The following NREP variants were observed in gnomAD, a reference collection of about 807,000 sequenced individuals.
NREP encodes the protein neuronal regeneration-related protein.
Under a neutral mutation model 8.6 loss-of-function variants are expected in NREP, and 5 were observed. That is an observed-to-expected ratio of 0.58 (90% CI 0.30 to 1.22). The LOEUF is 1.22. Ranked by LOEUF, NREP falls within the 50% of genes most tolerant of loss-of-function variation. NREP has a pLI of 0.07. For missense variants in NREP, 86 were observed against 82.5 expected (o/e 1.04, Z -0.17); for synonymous variants, 27 against 28.0 (o/e 0.96, Z 0.11).
chr5:111,809,779 A>T (rs1354470855), intron 2 of NREP, among the ~76,000 whole-genome samples: 3 of 152,182 alleles, frequency 2.0e-5, no homozygotes, highest in East Asian at 1.9e-4. Flanking sequence ...ATATTCTGTT[A>T]TAACAATACA....
At chr5:111,881,607 C>T (rs557606820) in intron 2 of NREP, among the ~76,000 whole-genome samples, 10 of 152,148 alleles carry the variant, frequency 6.6e-5, no homozygotes, top group South Asian at 2.1e-4. Flanking sequence ...ACACCTCACA[C>T]GACCGGGTAC....
intron 2 of NREP, among the ~76,000 whole-genome samples, chr5:111,854,482 T>C (rs1412778823): frequency 6.6e-6 from 1 of 152,184 alleles, no homozygotes; most frequent in Non-Finnish European, 1.5e-5. Context: ...TTTGTGAAGC[T>C]GTAGACAGGC....
At chr5:111,747,680 A>C (rs969119062) in intron 2 of NREP, among the ~76,000 whole-genome samples, 1 of 152,140 alleles carries the variant, frequency 6.6e-6, no homozygotes, top group African/African-American at 2.4e-5. Flanking sequence ...TCTGGTTCCC[A>C]AATTTCAGTG....
intron 2 of NREP, among the ~76,000 whole-genome samples, chr5:111,877,767 G>A (rs1223284072): frequency 6.6e-6 from 1 of 152,132 alleles, no homozygotes; most frequent in East Asian, 1.9e-4. Context: ...TACGTTTTAG[G>A]TTTTACAGTT....
At chr5:111,870,825 G>A (rs1753771795) in intron 2 of NREP, among the ~76,000 whole-genome samples, 1 of 152,170 alleles carries the variant, frequency 6.6e-6, no homozygotes, top group Non-Finnish European at 1.5e-5. Flanking sequence ...GGCCACCACT[G>A]GAAGCTAAGA....
chr5:111,748,620 TCACTTTGTAGAAAGAGAACACCAAAC>T (rs1476064452), intron 2 of NREP, among the ~76,000 whole-genome samples: 2 of 152,150 alleles, frequency 1.3e-5, no homozygotes, highest in Admixed American at 6.5e-5. Context: ...GAGTTTCCTT[TCACTTTGTAGAAAGAGAACACCAAAC>T]CACTTTGTAG....
chr5:111,770,169 A>T (rs542520765), intron 2 of NREP, among the ~76,000 whole-genome samples: 1 of 152,308 alleles, frequency 6.6e-6, no homozygotes, highest in East Asian at 1.9e-4. Flanking sequence ...CTTCAGGAAT[A>T]TTTTTCAATT....
Position 111,931,300 on chromosome 5 carries a change from C to T in NREP, c.135+43974G>A, listed in dbSNP as rs545912229. 2.6e-5 allele frequency among the ~76,000 whole-genome samples: 4 copies of T among 152,150 alleles called. No individual in the cohort carries two copies. The East Asian group carries it at 7.8e-4, about 30-fold the overall frequency. ...AAGTAGAAGTGATGGTATGCAACTG[C>T]AGAGGCTAAGCCATAAAGGCAGTGT... On this transcript the variant is annotated intron_variant, in intron 2 of 3. Transcript: ENST00000395634.
chr5:111,864,565 G>A (rs976809731), intron 2 of NREP, among the ~76,000 whole-genome samples: 40 of 152,000 alleles, frequency 2.6e-4, no homozygotes, highest in Admixed American at 7.2e-4. Context: ...AAACTGGAGC[G>A]GGGTGAAGTA....
chr5:111,912,993 C>T (rs553437299), intron 2 of NREP, among the ~76,000 whole-genome samples: 2 of 152,132 alleles, frequency 1.3e-5, no homozygotes, highest in East Asian at 3.9e-4. Context: ...GATTTTGAGT[C>T]ACTTATTTGG....
Position 111,935,778 on chromosome 5 carries a change from T to C in NREP, c.135+39496A>G, listed in dbSNP as rs565964469. ...GAATACCATCCCCTTTCTATCATTTTAATGGTATGCCCCAGGCTTTAGTAC... is the reference window on the plus strand; with the variant it reads ...GAATACCATCCCCTTTCTATCATTTCAATGGTATGCCCCAGGCTTTAGTAC... On this transcript the variant is annotated intron_variant, in intron 2 of 3. Coordinates refer to the NREP transcript ENST00000395634. 2.6e-5 allele frequency among the ~76,000 whole-genome samples: 4 copies of C among 152,226 alleles called. No homozygotes were observed. The South Asian group carries it at 8.3e-4, about 32-fold the overall frequency.
At chr5:111,908,380 G>C (rs1494588) in intron 2 of NREP, among the ~76,000 whole-genome samples, 91,810 of 151,738 alleles carry the variant, frequency 0.61, 28,193 homozygotes, top group Non-Finnish European at 0.65. Context: ...ATCCCATCAC[G>C]CAGGTAGTAA....
At chr5:111,951,350 T>C (rs868839390) in intron 2 of NREP, among the ~76,000 whole-genome samples, 2 of 152,060 alleles carry the variant, frequency 1.3e-5, no homozygotes, top group Non-Finnish European at 2.9e-5. Context: ...TCTATTTATG[T>C]AGATGATTTA....
intron 2 of NREP, among the ~76,000 whole-genome samples, chr5:111,916,692 A>G (rs1344841200): frequency 6.6e-6 from 1 of 152,114 alleles, no homozygotes; most frequent in Non-Finnish European, 1.5e-5. Context: ...GTTTCCTCAA[A>G]TGTATCAATT....
At chr5:111,952,806 G>A (rs770491291) in intron 2 of NREP, among the ~76,000 whole-genome samples, 1 of 152,022 alleles carries the variant, frequency 6.6e-6, no homozygotes, top group Non-Finnish European at 1.5e-5. Flanking sequence ...TTACCATTGG[G>A]GAAAGTATGT....
intron 2 of NREP, among the ~76,000 whole-genome samples, chr5:111,753,382 T>G (rs948045480): frequency 2.7e-5 from 4 of 147,864 alleles, no homozygotes; most frequent in Admixed American, 6.8e-5. Context: ...TAGATATATA[T>G]AGATTATATA....
intron 2 of NREP, among the ~76,000 whole-genome samples, chr5:111,836,917 C>T (rs1752909648): frequency 6.6e-6 from 1 of 152,086 alleles, no homozygotes. Context: ...ACTCTTTCCA[C>T]CCTAACCTCT....
chr5:111,971,527 C>T (rs1756818436), intron 2 of NREP, among the ~76,000 whole-genome samples: 1 of 152,088 alleles, frequency 6.6e-6, no homozygotes, highest in Non-Finnish European at 1.5e-5. Context: ...AAAACAGACA[C>T]ATAGACCAAT....
chr5:111,916,177 G>T (rs1581215589), intron 2 of NREP, among the ~76,000 whole-genome samples: 1 of 151,950 alleles, frequency 6.6e-6, no homozygotes, highest in African/African-American at 2.4e-5. Context: ...CAATATGACT[G>T]TATATAGTTT....
Sources: gnomAD v4.1 joint callset for allele counts (sites outside exome capture counted in the v4.1 genomes callset) on GRCh38, gnomAD v4.1.1 for gene constraint, MANE v1.5 for transcripts, NCBI Gene and HGNC (gene_info 2026-07-23, HGNC 2026-07-21) for gene names.